The following IQSEC1 variants were observed in gnomAD, a reference collection of about 807,000 sequenced individuals.
The protein encoded by IQSEC1 is IQ motif and Sec7 domain ArfGEF 1.
A neutral mutation model predicts 91.0 loss-of-function variants in IQSEC1; 31 were observed. The ratio of observed to expected loss-of-function variants is 0.34; its 90% CI spans 0.26 to 0.46. The LOEUF (loss-of-function observed/expected upper bound fraction) is 0.46. Ranked by LOEUF, IQSEC1 falls within the 20% of genes least tolerant of loss-of-function variation. The probability of loss-of-function intolerance (pLI) is 1.00; values close to 1 mark genes in which losing one functional copy is unlikely to be tolerated. For missense variants in IQSEC1, 1,388 were observed against 1,575.6 expected (o/e 0.88, Z 2.02); for synonymous variants, 699 against 662.6 (o/e 1.05, Z -0.84).
intron 1 of IQSEC1, among the ~76,000 whole-genome samples, chr3:13,071,143 GTTTTTTTTTGTTTT>G (rs1345529610): frequency 1.8e-5 from 2 of 112,720 alleles, no homozygotes; most frequent in East Asian, 6.1e-4. Flanking sequence ...GACCCACACA[GTTTTTTTTTGTTTT>G]TTTTTTTTTG....
chr3:13,107,823 T>A (rs1016166038), intron 2 of IQSEC1, among the ~76,000 whole-genome samples: 1 of 152,138 alleles, frequency 6.6e-6, no homozygotes, highest in Non-Finnish European at 1.5e-5. Context: ...TGCTTCAAAA[T>A]CAGGCCAGCC....
chr3:12,913,494 G>T lies in IQSEC1; in HGVS notation c.2250C>A (p.Asp750Glu). ...VCYCRLFEVP[D>E]PNKPQKLGLH... ...GTCCGAGTTTCTGGGGCTTGTTTGG[G>T]TCTGGAACCTCAAAGAGCCGGCAGT... Residue 750 changes from aspartate to glutamate, a missense_variant, in exon 9 of 14, where the codon GAC (aspartate) becomes GAA (glutamate). Asp to Glu is a conservative substitution (Grantham distance 45, BLOSUM62 2). Coordinates refer to ENST00000613206, the MANE Select transcript of IQSEC1 (RefSeq NM_001134382.3). The T allele has an allele frequency of 1.2e-6, 2 of 1,608,702 alleles. No homozygotes were observed. Among genetic ancestry groups the T allele is most frequent in the Non-Finnish European group, 1.7e-6 (2 of 1,176,626 alleles).
At chr3:13,019,283 C>A (rs1219355019) in intron 1 of IQSEC1, among the ~76,000 whole-genome samples, 1 of 152,230 alleles carries the variant, frequency 6.6e-6, no homozygotes, top group South Asian at 2.1e-4. Context: ...TCCTTGACTG[C>A]GGTCGCCAAA....
intron 2 of IQSEC1, among the ~76,000 whole-genome samples, chr3:13,139,356 A>G (rs1706762587): frequency 6.6e-6 from 1 of 152,208 alleles, no homozygotes; most frequent in African/African-American, 2.4e-5. Context: ...TAAGAGACAG[A>G]AAAAGACTCA....
At chr3:12,938,215 A>G (rs926246093) in intron 2 of IQSEC1, among the ~76,000 whole-genome samples, 5 of 152,206 alleles carry the variant, frequency 3.3e-5, no homozygotes, top group Admixed American at 6.5e-5. Flanking sequence ...ATGCCACTAC[A>G]TGCTGGGCAT....
At chr3:13,155,835 G>A (rs1008948230) in intron 2 of IQSEC1, among the ~76,000 whole-genome samples, 1 of 152,116 alleles carries the variant, frequency 6.6e-6, no homozygotes, top group Admixed American at 6.5e-5. Flanking sequence ...TCACTGTAAT[G>A]CATACCAGAA....
At chr3:13,135,537 CT>C (rs1706692369) in intron 2 of IQSEC1, among the ~76,000 whole-genome samples, 1 of 152,254 alleles carries the variant, frequency 6.6e-6, no homozygotes, top group Non-Finnish European at 1.5e-5. Context: ...TCTGGTGCCC[CT>C]GGGACAGGGA....
intron 2 of IQSEC1, among the ~76,000 whole-genome samples, chr3:13,158,635 T>C (rs1707120149): frequency 6.6e-6 from 1 of 152,004 alleles, no homozygotes; most frequent in Admixed American, 6.6e-5. Context: ...ACGTTCAGAG[T>C]CCTGACGGGG....
At chr3:13,126,282 A>G (rs984880648) in intron 2 of IQSEC1, among the ~76,000 whole-genome samples, 1 of 152,210 alleles carries the variant, frequency 6.6e-6, no homozygotes, top group African/African-American at 2.4e-5. Flanking sequence ...TATGGTGTGC[A>G]TTTGTAATCT....
intron 1 of IQSEC1, among the ~76,000 whole-genome samples, chr3:13,190,172 C>G (rs549739976): frequency 2.0e-5 from 3 of 152,326 alleles, no homozygotes; most frequent in East Asian, 1.9e-4. Flanking sequence ...AACCCTCCCC[C>G]CAACCCCAGA....
In IQSEC1 at chr3:13,073,062, A is replaced by T; in HGVS notation, c.-48T>A. On this transcript the variant is annotated 5_prime_UTR_variant, in exon 1 of 14. Coordinates refer to ENST00000613206, the MANE Select transcript of IQSEC1 (RefSeq NM_001134382.3). ...TGTTCTGGCTCCCTCTCCAGCGGGG[A>T]GGCTCAACGTGTTTCCAAGAGGAGC... is the stretch of plus-strand genomic sequence containing the variant. The T allele has an allele frequency of 6.4e-7, 1 of 1,550,900 alleles. No individual in the cohort carries two copies. Among genetic ancestry groups the T allele is most frequent in the Non-Finnish European group, 8.7e-7 (1 of 1,146,450 alleles).
chr3:13,276,041 G>A (rs970677726), intron 1 of IQSEC1, among the ~76,000 whole-genome samples: 1 of 125,092 alleles, frequency 8.0e-6, no homozygotes, highest in African/African-American at 2.9e-5. Context: ...GAACATTTTT[G>A]TAATAAAACA....
At chr3:12,951,800 T>G in intron 1 of IQSEC1, among the ~76,000 whole-genome samples, 1 of 151,150 alleles carries the variant, frequency 6.6e-6, no homozygotes, top group African/African-American at 2.4e-5. Context: ...AGGGGTGAGG[T>G]CGCAGCACCC....
chr3:13,269,634 A>G (rs1695559313), intron 1 of IQSEC1, among the ~76,000 whole-genome samples: 1 of 152,064 alleles, frequency 6.6e-6, no homozygotes, highest in Non-Finnish European at 1.5e-5. Flanking sequence ...CCACCCCTAA[A>G]AGTGATCCTC....
In IQSEC1 at chr3:12,900,812, C is replaced by G. The variant is rs1283620996; in HGVS notation, c.*171G>C. On this transcript the variant is annotated 3_prime_UTR_variant, in exon 14 of 14. Coordinates refer to ENST00000613206, the MANE Select transcript of IQSEC1 (RefSeq NM_001134382.3). ...AAGAAATGAAATCTGGGCCTTTGTT[C>G]CACACAACACCAGCCCTGTGGGCTC... The G allele has an allele frequency of 6.8e-7, 1 of 1,470,786 alleles. No homozygotes were observed. Among genetic ancestry groups the G allele is most frequent in the Non-Finnish European group, 9.0e-7 (1 of 1,116,982 alleles). The allele number at this position is 1,470,786 out of a possible 1,614,324, so 91.1% of individuals were successfully genotyped here.
intron 1 of IQSEC1, among the ~76,000 whole-genome samples, chr3:13,051,253 C>T (rs990466279): frequency 6.6e-5 from 10 of 152,204 alleles, no homozygotes; most frequent in Non-Finnish European, 1.5e-5. Flanking sequence ...GAGTGAGGCC[C>T]CTCCTCCTCT....
chr3:13,123,162 C>T (rs557037191), intron 2 of IQSEC1, among the ~76,000 whole-genome samples: 1 of 152,280 alleles, frequency 6.6e-6, no homozygotes, highest in Non-Finnish European at 1.5e-5. Flanking sequence ...GGCTTTGCAC[C>T]GGTTGGTTTT....
chr3:13,053,967 T>C (rs1330966991), intron 1 of IQSEC1, among the ~76,000 whole-genome samples: 1 of 152,212 alleles, frequency 6.6e-6, no homozygotes, highest in Non-Finnish European at 1.5e-5. Context: ...TGCCTGGGTG[T>C]AGATGTGTTT....
intron 2 of IQSEC1, among the ~76,000 whole-genome samples, chr3:12,938,809 A>G (rs906624264): frequency 7.3e-5 from 11 of 151,670 alleles, no homozygotes; most frequent in Non-Finnish European, 1.5e-4. Flanking sequence ...TTTTCCTGAG[A>G]CCTCCTGCCC....
Sources: allele counts gnomAD v4.1 joint callset (sites outside exome capture counted in the v4.1 genomes callset), GRCh38; gene constraint gnomAD v4.1.1; transcripts MANE v1.5; gene names NCBI Gene and HGNC (gene_info 2026-07-23, HGNC 2026-07-21).